The following PC variants were observed in gnomAD, a reference collection of about 807,000 sequenced individuals.
The protein encoded by PC is pyruvate carboxylase, mitochondrial.
Under a neutral mutation model 107.8 loss-of-function variants are expected in PC, and 46 were observed. The ratio of observed to expected loss-of-function variants is 0.43; its 90% CI spans 0.34 to 0.55. The LOEUF is 0.55. Among genes scored for constraint, PC ranks in the 20% least tolerant of loss-of-function variants. PC has a pLI of 0.04. For missense variants in PC, 1,241 were observed against 1,643.1 expected (o/e 0.76, Z 4.23); for synonymous variants, 662 against 684.7 (o/e 0.97, Z 0.52).
chr11:66,919,063 C>G (rs1425503689), intron 3 of PC, among the ~76,000 whole-genome samples: 1 of 152,174 alleles, frequency 6.6e-6, no homozygotes, highest in Non-Finnish European at 1.5e-5. Flanking sequence ...TGGATTACCT[C>G]AAGCTGTCTA....
chr11:66,852,299 C>T lies in PC; in HGVS notation c.1825+140G>A, dbSNP rs372383034. The T allele has an allele frequency of 2.5e-4, 198 of 788,444 alleles. 1 individual carries two copies. Among genetic ancestry groups the T allele is most frequent in the African/African-American group, 2.3e-3 (137 of 58,982 alleles). The allele number at this position is 788,444 out of a possible 1,614,324, so 48.8% of individuals were successfully genotyped here. On this transcript the variant is annotated intron_variant, in intron 15 of 22. Coordinates refer to ENST00000393960, the MANE Select transcript of PC (RefSeq NM_001040716.2). The surrounding 1 kb of genome is among the most constrained non-coding windows in gnomAD (Gnocchi z 4.7). Reference sequence around the variant, plus strand: ...CGGCACCAGGCCTGGCCGGAGAGGGCGCTGTGCCTTCTTCGGTCCTTCCTC... The same window carrying T: ...CGGCACCAGGCCTGGCCGGAGAGGGTGCTGTGCCTTCTTCGGTCCTTCCTC...
intron 3 of PC, among the ~76,000 whole-genome samples, chr11:66,895,086 T>G (rs914709322): frequency 1.3e-4 from 19 of 150,386 alleles, no homozygotes; most frequent in Non-Finnish European, 2.1e-4. Context: ...GCCAGAGACC[T>G]CCCCTCTCCA....
chr11:66,858,693 C>G lies in PC; in HGVS notation c.1368+5081G>C. On this transcript the variant is annotated intron_variant, in intron 12 of 22. Coordinates refer to ENST00000393960, the MANE Select transcript of PC (RefSeq NM_001040716.2). The surrounding 1 kb of genome is among the most constrained non-coding windows in gnomAD (Gnocchi z 5.9). The stretch of plus-strand genomic sequence containing the variant: ...CGCGCCTACCATGCACTGGGTCGGT[C>G]CTGACGACCGGTTGGTTGGCAACTC... The G allele has an allele frequency of 6.5e-7, 1 of 1,549,128 alleles. No individual in the cohort carries two copies. The highest frequency in any genetic ancestry group is 8.7e-7 in the Non-Finnish European group (1 of 1,145,214).
At chr11:66,904,934 C>G (rs1591262497) in intron 3 of PC, among the ~76,000 whole-genome samples, 3 of 152,354 alleles carry the variant, frequency 2.0e-5, no homozygotes, top group African/African-American at 7.2e-5. Flanking sequence ...CCTCTCAGCA[C>G]AGAGCGCTGA....
At chr11:66,931,735 T>C (rs946927568) in intron 3 of PC, among the ~76,000 whole-genome samples, 2 of 152,082 alleles carry the variant, frequency 1.3e-5, no homozygotes, top group Non-Finnish European at 1.5e-5. Flanking sequence ...TATGTTTCTG[T>C]AGCCGGGCGC....
intron 3 of PC, among the ~76,000 whole-genome samples, chr11:66,897,464 C>T (rs969267415): frequency 4.6e-5 from 7 of 152,070 alleles, no homozygotes; most frequent in East Asian, 1.9e-4. Context: ...CCCAGTTACT[C>T]GGGAGGCTGA....
At chr11:66,937,879 C>A (rs1008750846) in intron 3 of PC, among the ~76,000 whole-genome samples, 4 of 151,366 alleles carry the variant, frequency 2.6e-5, no homozygotes, top group Non-Finnish European at 2.9e-5. Context: ...CAGGTTCAAG[C>A]GATTCTCCTG....
rs1945892668 is a variant in PC at position 66,857,054 on chromosome 11, G to T, written c.1369-3671C>A. On this transcript the variant is annotated intron_variant, in intron 12 of 22. Coordinates refer to ENST00000393960, the MANE Select transcript of PC (RefSeq NM_001040716.2). The surrounding 1 kb of genome is among the most constrained non-coding windows in gnomAD (Gnocchi z 7.1). ...CGCCCTCCACGTGCGTGTCCGCGGC[G>T]CGCGCGCCCGCCGGCGCGCACCCGC... 6.8e-6 allele frequency: 1 copy of T among 146,414 alleles called. No homozygotes were observed. Among genetic ancestry groups the T allele is most frequent in the South Asian group, 2.1e-4 (1 of 4,802 alleles). The allele number at this position is 146,414 out of a possible 1,614,324, so 9.1% of individuals were successfully genotyped here. A position where few individuals can be genotyped will look rare whatever the true frequency, so the allele number is the denominator to read the frequency against.
intron 3 of PC, among the ~76,000 whole-genome samples, chr11:66,883,304 T>C (rs1046320993): frequency 5.3e-5 from 8 of 152,080 alleles, no homozygotes; most frequent in Non-Finnish European, 8.8e-5. Flanking sequence ...CCAGCCTCAC[T>C]GGAAAGCAGT....
intron 3 of PC, among the ~76,000 whole-genome samples, chr11:66,931,478 A>C (rs977901484): frequency 2.7e-5 from 4 of 150,456 alleles, no homozygotes; most frequent in African/African-American, 9.7e-5. Context: ...ACCTTAACCT[A>C]GGGATGGGAA....
In PC at chr11:66,858,974, G is replaced by A. The variant is rs1387412818; in HGVS notation, c.1368+4800C>T. 1.9e-6 allele frequency: 3 copies of A among 1,566,954 alleles called. No homozygotes were observed. The highest frequency in any genetic ancestry group is 2.6e-6 in the Non-Finnish European group (3 of 1,152,710). ...CGCTGGAGTCTGAGCCAGCCGTGCA[G>A]GTGACGGAGGTGACCGCCACCTCAG... On this transcript the variant is annotated intron_variant, in intron 12 of 22. Coordinates refer to ENST00000393960, the MANE Select transcript of PC (RefSeq NM_001040716.2). This position sits in a 1 kb window ranked among gnomAD's most constrained non-coding sequence, Gnocchi z 5.9.
chr11:66,947,912 G>A (rs1480651432), intron 3 of PC, among the ~76,000 whole-genome samples: 5 of 149,322 alleles, frequency 3.3e-5, no homozygotes, highest in African/African-American at 9.9e-5. Flanking sequence ...GCAGTGAGCC[G>A]AGATCATGCC....
At position 66,857,595 on chromosome 11, in the gene PC, T is replaced by G; in HGVS notation, c.1369-4212A>C. On this transcript the variant is annotated intron_variant, in intron 12 of 22. Transcript: ENST00000393960. This position sits in a 1 kb window ranked among gnomAD's most constrained non-coding sequence, Gnocchi z 7.1. Reference sequence around the variant, plus strand: ...CCCTGCAGGCCCCAACCTTCCCTCATCTCTGGCGGCCCTCTTGGGCCTCTG... The same window carrying G: ...CCCTGCAGGCCCCAACCTTCCCTCAGCTCTGGCGGCCCTCTTGGGCCTCTG... 2 of 806,230 alleles carry G rather than the reference T, an allele frequency of 2.5e-6. No individual in the cohort carries two copies. Among genetic ancestry groups the G allele is most frequent in the Non-Finnish European group, 3.8e-6 (2 of 527,340 alleles). 49.9% of individuals were successfully genotyped at this position (806,230 alleles called of 1,614,324 possible).
chr11:66,951,958 G>A (rs1565308584), intron 3 of PC, among the ~76,000 whole-genome samples: 1 of 151,922 alleles, frequency 6.6e-6, no homozygotes, highest in Non-Finnish European at 1.5e-5. Flanking sequence ...TGCAGGGGAA[G>A]AAGGGCAGGT....
Position 66,870,211 on chromosome 11 carries a change from A to G in PC, c.903+91T>C, listed in dbSNP as rs1946664696. The G allele has an allele frequency of 6.8e-7, 1 of 1,477,276 alleles. No individual in the cohort carries two copies. Among genetic ancestry groups the G allele is most frequent in the African/African-American group, 1.4e-5 (1 of 72,540 alleles). The allele number at this position is 1,477,276 out of a possible 1,614,324, so 91.5% of individuals were successfully genotyped here. A position where few individuals can be genotyped will look rare whatever the true frequency, so the allele number is the denominator to read the frequency against. ...ATCCCCAGTCCCCAGAAGGGGACTC[A>G]GGGTCCCCTTCCCCAACCAGCGCCC... On this transcript the variant is annotated intron_variant, in intron 9 of 22. Coordinates refer to ENST00000393960, the MANE Select transcript of PC (RefSeq NM_001040716.2). The surrounding 1 kb of genome is among the most constrained non-coding windows in gnomAD (Gnocchi z 6.1).
rs758966557 is a variant in PC, at chr11:66,858,100, C to T, written c.1369-4717G>A. 1.9e-6 allele frequency: 3 copies of T among 1,609,918 alleles called. No individual in the cohort carries two copies. In the Admixed American group the frequency reaches 5.0e-5, roughly 27 times the overall value. ...CTGGGCACCGGGAGCCTCCGGGGCC[C>T]CGTCAATCTGCAGCACCTCATCCTC... is the stretch of plus-strand genomic sequence containing the variant. On this transcript the variant is annotated intron_variant, in intron 12 of 22. Coordinates refer to ENST00000393960, the MANE Select transcript of PC (RefSeq NM_001040716.2). The surrounding 1 kb of genome is among the most constrained non-coding windows in gnomAD (Gnocchi z 5.9).
At chr11:66,908,566 G>A (rs976956697) in intron 3 of PC, among the ~76,000 whole-genome samples, 2 of 152,174 alleles carry the variant, frequency 1.3e-5, no homozygotes, top group African/African-American at 4.8e-5. Flanking sequence ...CCCCACCATC[G>A]CAAGGAAGCA....
At chr11:66,948,010 TA>T (rs1233312748) in intron 3 of PC, among the ~76,000 whole-genome samples, 2 of 109,760 alleles carry the variant, frequency 1.8e-5, no homozygotes, top group East Asian at 5.5e-4. Context: ...TCATCTCTAC[TA>T]AAGATAGATA....
intron 3 of PC, among the ~76,000 whole-genome samples, chr11:66,891,750 A>G (rs1947586496): frequency 6.6e-6 from 1 of 152,204 alleles, no homozygotes. Context: ...TTATCCTAAT[A>G]ATTTACACAG....
Sources: gnomAD v4.1 joint callset for allele counts (sites outside exome capture counted in the v4.1 genomes callset) on GRCh38, gnomAD v4.1.1 for gene constraint, Gnocchi (gnomAD v3.1) non-coding constraint, MANE v1.5 for transcripts, NCBI Gene and HGNC (gene_info 2026-07-23, HGNC 2026-07-21) for gene names.